Variants in STK32B observed in about 807,000 individuals in gnomAD.
The protein encoded by STK32B is serine/threonine kinase 32B.
STK32B carries 43 observed loss-of-function variants against 52.6 expected under a neutral mutation model. That is an observed-to-expected ratio of 0.82 (90% CI 0.64 to 1.05). The LOEUF (loss-of-function observed/expected upper bound fraction) is 1.05, where lower values mean the gene tolerates loss of function less well. STK32B is among the 50% of genes least tolerant of loss of function. The pLI is 0.00. For missense variants in STK32B, 621 were observed against 534.6 expected, an observed-to-expected ratio of 1.16 and a Z score of -1.59; for synonymous variants, 238 against 204.3, an observed-to-expected ratio of 1.17 and a Z score of -1.41.
chr4:5,340,939 A>G (rs1733034291), intron 4 of STK32B, among the ~76,000 whole-genome samples: 1 of 152,154 alleles, frequency 6.6e-6, no homozygotes, highest in Non-Finnish European at 1.5e-5. Flanking sequence ...TAATGACCCC[A>G]TTTTGCAGAG....
rs965386552 is a variant in STK32B, at chr4:5,166,700, C to G, written c.109-1599C>G. Among the ~76,000 whole-genome samples, 6 of 151,906 alleles carry G rather than the reference C, an allele frequency of 3.9e-5. No individual in the cohort carries two copies. In the East Asian group the frequency reaches 1.2e-3, roughly 30 times the overall value. Reference sequence around the variant, plus strand: ...CAGAGGGGGCAGGACCCTGCTGACACCTTGGTTTTGGACTCCCAGCCCTCA... The same window carrying G: ...CAGAGGGGGCAGGACCCTGCTGACAGCTTGGTTTTGGACTCCCAGCCCTCA... On this transcript the variant is annotated intron_variant, in intron 2 of 11. Transcript: ENST00000282908.
intron 3 of STK32B, among the ~76,000 whole-genome samples, chr4:5,311,853 C>G (rs530061661): frequency 4.6e-5 from 7 of 151,770 alleles, no homozygotes; most frequent in Admixed American, 3.9e-4. Context: ...GAAGAATTAG[C>G]ACCAGTTTTA....
At chr4:5,402,925 C>G (rs963254125) in intron 5 of STK32B, among the ~76,000 whole-genome samples, 5 of 152,160 alleles carry the variant, frequency 3.3e-5, no homozygotes, top group African/African-American at 1.2e-4. Context: ...AGTAGGCATT[C>G]CAGAGGTACA....
chr4:5,059,219 G>T (rs188364695), intron 1 of STK32B, among the ~76,000 whole-genome samples: 1 of 152,020 alleles, frequency 6.6e-6, no homozygotes, highest in Admixed American at 6.6e-5. Context: ...AAGCCACTGA[G>T]ATTTGGGGCT....
intron 1 of STK32B, among the ~76,000 whole-genome samples, chr4:5,113,220 C>T (rs919241050): frequency 6.6e-6 from 1 of 152,128 alleles, no homozygotes; most frequent in Non-Finnish European, 1.5e-5. Context: ...CCTGTACAGA[C>T]CCCTCGTCTC....
At chr4:5,306,456 A>G (rs139740573) in intron 3 of STK32B, among the ~76,000 whole-genome samples, 2 of 152,192 alleles carry the variant, frequency 1.3e-5, no homozygotes, top group African/African-American at 2.4e-5. Context: ...TTATTAAATA[A>G]TGTCCCTCTT....
chr4:5,291,474 G>T (rs1577301486), intron 3 of STK32B, among the ~76,000 whole-genome samples: 1 of 152,152 alleles, frequency 6.6e-6, no homozygotes, highest in South Asian at 2.1e-4. Flanking sequence ...CTAGTGTGTA[G>T]AAATACAGCT....
At chr4:5,178,825 A>G (rs1037459845) in intron 3 of STK32B, among the ~76,000 whole-genome samples, 5 of 152,180 alleles carry the variant, frequency 3.3e-5, no homozygotes, top group Admixed American at 6.5e-5. Flanking sequence ...CCATATCACT[A>G]TCAGCATTTT....
chr4:5,346,594 C>T (rs1231696281), intron 4 of STK32B, among the ~76,000 whole-genome samples: 3 of 152,184 alleles, frequency 2.0e-5, no homozygotes, highest in African/African-American at 7.2e-5. Context: ...TGGCCACTCA[C>T]CGCTGTAAAG....
intron 1 of STK32B, among the ~76,000 whole-genome samples, chr4:5,054,501 G>A (rs1161250564): frequency 7.3e-6 from 1 of 136,722 alleles, no homozygotes; most frequent in African/African-American, 2.7e-5. Flanking sequence ...TAAAGAGTAA[G>A]CCTGGCTCAT....
At chr4:5,320,195 T>C (rs1429252979) in intron 3 of STK32B, among the ~76,000 whole-genome samples, 3 of 152,128 alleles carry the variant, frequency 2.0e-5, no homozygotes, top group Non-Finnish European at 4.4e-5. Flanking sequence ...TAGAGTACAA[T>C]GAGCACCTTG....
intron 7 of STK32B, among the ~76,000 whole-genome samples, chr4:5,450,192 C>G (rs10028501): frequency 0.092 from 14,008 of 152,256 alleles, 1,054 homozygotes; most frequent in East Asian, 0.4. Flanking sequence ...CTTACCCTGG[C>G]AGGCATGCTG....
intron 3 of STK32B, among the ~76,000 whole-genome samples, chr4:5,171,373 G>A (rs1160444697): frequency 3.3e-5 from 5 of 151,654 alleles, no homozygotes; most frequent in African/African-American, 1.2e-4. Context: ...TAGACATGAA[G>A]TCCTTGCCCA....
intron 3 of STK32B, among the ~76,000 whole-genome samples, chr4:5,248,487 G>A (rs944789178): frequency 6.6e-5 from 10 of 152,140 alleles, no homozygotes; most frequent in Non-Finnish European, 1.3e-4. Flanking sequence ...GGCCACCATT[G>A]CAAAACTGTA....
intron 2 of STK32B, among the ~76,000 whole-genome samples, chr4:5,162,257 G>C (rs541608100): frequency 1.3e-5 from 2 of 152,288 alleles, no homozygotes; most frequent in Non-Finnish European, 1.5e-5. Flanking sequence ...ACCGAACGAG[G>C]ACTTTCTTGA....
At position 5,427,584 on chromosome 4, in the gene STK32B, TTATC is replaced by T. The variant is rs199974576; in HGVS notation, c.562+10654_562+10657del. ...TTTAACAGACATGGGACTATTCTGT[TTATC>T]TATTTCTTCAAGAACTAAGTAAATT... On this transcript the variant is annotated intron_variant, in intron 6 of 11. Transcript: ENST00000282908. Among the ~76,000 whole-genome samples, 203 of 152,330 alleles carry T rather than the reference TTATC, an allele frequency of 1.3e-3. 1 individual carries two copies. The highest frequency in any genetic ancestry group is 4.4e-3 in the African/African-American group (185 of 41,580).
intron 1 of STK32B, among the ~76,000 whole-genome samples, chr4:5,060,874 C>T (rs1742192210): frequency 6.6e-6 from 1 of 152,162 alleles, no homozygotes; most frequent in Non-Finnish European, 1.5e-5. Context: ...CAAAAGACAG[C>T]TGCCAGTTCT....
intron 4 of STK32B, among the ~76,000 whole-genome samples, chr4:5,381,581 G>A (rs948039703): frequency 1.3e-5 from 2 of 152,214 alleles, no homozygotes; most frequent in Non-Finnish European, 2.9e-5. Context: ...GGCCATCTTT[G>A]TCCCTCCACC....
Position 5,159,139 on chromosome 4 carries a change from G to A in STK32B, c.109-9160G>A, listed in dbSNP as rs189842624. Among the ~76,000 whole-genome samples, 417 of 152,318 alleles carry A rather than the reference G, an allele frequency of 2.7e-3. 2 individuals carry two copies. Among genetic ancestry groups the A allele is most frequent in the African/African-American group, 9.6e-3 (400 of 41,570 alleles). On this transcript the variant is annotated intron_variant, in intron 2 of 11. Transcript: ENST00000282908. ...ACTGCTTCTCAGCTCCCCATGGGCA[G>A]GGCTGCTTGGCTGGAGCACGGCTGG... is the stretch of plus-strand genomic sequence containing the variant.
Sources: gnomAD v4.1 joint callset for allele counts (sites outside exome capture counted in the v4.1 genomes callset) on GRCh38, gnomAD v4.1.1 for gene constraint, MANE v1.5 for transcripts, NCBI Gene and HGNC (gene_info 2026-07-23, HGNC 2026-07-21) for gene names.